HECW2: variants seen among roughly 807,000 people sequenced by gnomAD.
HECW2 encodes the protein HECT, C2 and WW domain containing E3 ubiquitin protein ligase 2.
HECW2 carries 61 observed loss-of-function variants against 175.2 expected under a neutral mutation model. That is an observed-to-expected ratio of 0.35 (90% CI 0.28 to 0.43). The LOEUF is 0.43. Ranked by LOEUF, HECW2 falls within the 20% of genes least tolerant of loss-of-function variation. The probability of loss-of-function intolerance (pLI) is 1.00; values close to 1 mark genes in which losing one functional copy is unlikely to be tolerated. For missense variants in HECW2, 1,524 were observed against 2,000.5 expected, an observed-to-expected ratio of 0.76 and a Z score of 4.54; for synonymous variants, 671 against 731.0, an observed-to-expected ratio of 0.92 and a Z score of 1.32.
chr2:196,567,390 C>T (rs1690224446), intron 1 of HECW2, among the ~76,000 whole-genome samples: 1 of 152,158 alleles, frequency 6.6e-6, no homozygotes, highest in African/African-American at 2.4e-5. Context: ...AAACTGGTGC[C>T]AGAAGTGGTG....
chr2:196,588,715 C>T (rs996395121), intron 1 of HECW2, among the ~76,000 whole-genome samples: 6 of 152,178 alleles, frequency 3.9e-5, no homozygotes, highest in Admixed American at 6.5e-5. Flanking sequence ...GGACATTTCT[C>T]ATCATATGGA....
At chr2:196,379,510 C>A (rs977609686) in intron 2 of HECW2, among the ~76,000 whole-genome samples, 3 of 151,816 alleles carry the variant, frequency 2.0e-5, no homozygotes, top group African/African-American at 7.3e-5. Context: ...ATGGTGAAAC[C>A]CCGTCTCTAC....
chr2:196,350,121 T>C (rs1329218245), intron 2 of HECW2, among the ~76,000 whole-genome samples: 1 of 152,130 alleles, frequency 6.6e-6, no homozygotes, highest in Non-Finnish European at 1.5e-5. Context: ...CCCAGCACTT[T>C]GGGAGGCCGA....
At chr2:196,297,114 G>A (rs953442919) in intron 13 of HECW2, among the ~76,000 whole-genome samples, 3 of 152,312 alleles carry the variant, frequency 2.0e-5, no homozygotes, top group African/African-American at 2.4e-5. Context: ...GCCACTGCAC[G>A]TGGACTCGAG....
At chr2:196,564,408 A>T (rs1200555961) in intron 1 of HECW2, among the ~76,000 whole-genome samples, 2 of 152,230 alleles carry the variant, frequency 1.3e-5, no homozygotes, top group Non-Finnish European at 2.9e-5. Context: ...CAGCAACAGT[A>T]ATAACCACAA....
intron 22 of HECW2, among the ~76,000 whole-genome samples, chr2:196,227,013 A>G (rs1450645139): frequency 6.6e-6 from 1 of 152,258 alleles, no homozygotes; most frequent in African/African-American, 2.4e-5. Context: ...GCCTTCCAAA[A>G]GTATAAATCC....
At chr2:196,222,433 G>A in intron 23 of HECW2, 93 bp from the exon 24 acceptor site, 38 of 1,209,196 alleles carry the variant, frequency 3.1e-5, no homozygotes, top group Admixed American at 4.5e-5. Context: ...TTAAAGAGAA[G>A]AATAAGAGCC....
At chr2:196,361,791 C>T (rs2105884622) in intron 2 of HECW2, 1 of 984,392 alleles carries the variant, frequency 1.0e-6, no homozygotes, top group Non-Finnish European at 1.2e-6. Context: ...ATTCATTCCA[C>T]AGCACTTTCC....
intron 17 of HECW2, among the ~76,000 whole-genome samples, chr2:196,266,691 TA>T (rs557618207): frequency 6.6e-6 from 1 of 152,118 alleles, no homozygotes; most frequent in Non-Finnish European, 1.5e-5. Flanking sequence ...AGAAAAGAAA[TA>T]GGTTAGCAAT....
At chr2:196,547,800 T>C (rs543456284) in intron 1 of HECW2, among the ~76,000 whole-genome samples, 1 of 152,296 alleles carries the variant, frequency 6.6e-6, no homozygotes, top group South Asian at 2.1e-4. Flanking sequence ...GGCTAGATTT[T>C]CCCCCATTGG....
intron 1 of HECW2, among the ~76,000 whole-genome samples, chr2:196,516,245 G>A (rs1389083454): frequency 6.6e-6 from 1 of 152,186 alleles, no homozygotes; most frequent in Non-Finnish European, 1.5e-5. Context: ...AAGCTCATTT[G>A]TAGCATGAAA....
intron 1 of HECW2, among the ~76,000 whole-genome samples, chr2:196,571,261 T>C (rs1318741293): frequency 1.3e-5 from 2 of 152,224 alleles, no homozygotes; most frequent in Non-Finnish European, 2.9e-5. Flanking sequence ...TTTAAAATTG[T>C]TTAAACTTTA....
At chr2:196,456,439 G>T (rs1380917889) in intron 1 of HECW2, among the ~76,000 whole-genome samples, 1 of 152,092 alleles carries the variant, frequency 6.6e-6, no homozygotes, top group Non-Finnish European at 1.5e-5. Context: ...GCTTCACATT[G>T]CCCTTGCTAC....
chr2:196,369,889 T>C (rs1693858765), intron 2 of HECW2, among the ~76,000 whole-genome samples: 1 of 152,062 alleles, frequency 6.6e-6, no homozygotes, highest in African/African-American at 2.4e-5. Context: ...TTGTGGTGAA[T>C]GCTGCCAGGC....
At chr2:196,512,655 G>A (rs1687995187) in intron 1 of HECW2, among the ~76,000 whole-genome samples, 1 of 151,238 alleles carries the variant, frequency 6.6e-6, no homozygotes, top group Admixed American at 6.6e-5. Flanking sequence ...TCAAAGTGTT[G>A]GTATTACAGG....
chr2:196,353,038 C>T (rs1693225859), intron 2 of HECW2, among the ~76,000 whole-genome samples: 1 of 152,188 alleles, frequency 6.6e-6, no homozygotes, highest in Non-Finnish European at 1.5e-5. Flanking sequence ...GCAGTGTCCA[C>T]AGGACATGGC....
chr2:196,373,892 C>T (rs182611584), intron 2 of HECW2, among the ~76,000 whole-genome samples: 20 of 151,732 alleles, frequency 1.3e-4, no homozygotes, highest in Non-Finnish European at 2.8e-4. Flanking sequence ...ATTAGCCGGG[C>T]GTAGTGGCGG....
chr2:196,528,464 A>T (rs1004518742), intron 1 of HECW2, among the ~76,000 whole-genome samples: 1 of 152,228 alleles, frequency 6.6e-6, no homozygotes, highest in Non-Finnish European at 1.5e-5. Flanking sequence ...ATTTGTTGCC[A>T]GAAACAACCA....
intron 2 of HECW2, among the ~76,000 whole-genome samples, chr2:196,356,112 A>G (rs1287406193): frequency 1.3e-5 from 2 of 152,230 alleles, no homozygotes; most frequent in African/African-American, 4.8e-5. Context: ...ACAGACAGGC[A>G]GGGGCCAGCT....
Sources: allele counts gnomAD v4.1 joint callset (sites outside exome capture counted in the v4.1 genomes callset), GRCh38; gene constraint gnomAD v4.1.1; transcripts MANE v1.5; gene names NCBI Gene and HGNC (gene_info 2026-07-23, HGNC 2026-07-21).